The following ATP10B variants were observed in gnomAD, a reference collection of about 807,000 sequenced individuals.
ATP10B encodes the protein ATPase phospholipid transporting 10B (putative), also known as phospholipid-transporting ATPase VB.
A neutral mutation model predicts 141.2 loss-of-function variants in ATP10B; 122 were observed. The observed-to-expected ratio is 0.86, with a 90% CI of 0.75 to 1.00. The LOEUF (loss-of-function observed/expected upper bound fraction) is 1.00. Among genes scored for constraint, ATP10B ranks in the 50% least tolerant of loss-of-function variants. ATP10B has a pLI of 0.00. For synonymous variants in ATP10B, 685 were observed against 692.0 expected (o/e 0.99, Z 0.16); for missense variants, 1,876 against 1,825.3 (o/e 1.03, Z -0.51).
At position 160,830,734 on chromosome 5, in the gene ATP10B, T is replaced by C. The variant is rs533990135; in HGVS notation, c.-576+21207A>G. Among the ~76,000 whole-genome samples the C allele has an allele frequency of 1.3e-4, 20 of 152,222 alleles. 1 individual carries two copies. Among genetic ancestry groups the C allele is most frequent in the East Asian group, 7.7e-4 (4 of 5,186 alleles). On this transcript the variant is annotated intron_variant, in intron 1 of 25. Coordinates refer to ENST00000327245, the MANE Select transcript of ATP10B (RefSeq NM_025153.3). ...AGATTTTTATTGCATATTTGACAAC[T>C]ACGTCACTGGAAGCTCTAGAGTAGA...
chr5:160,868,960 C>T, the ATP10B span, among the ~76,000 whole-genome samples: 2 of 152,108 alleles, frequency 1.3e-5, no homozygotes, highest in African/African-American at 4.8e-5. Flanking sequence ...TATTAACCAC[C>T]GGGGAAAAGT....
At chr5:160,768,979 G>T (rs1769683167) in intron 2 of ATP10B, among the ~76,000 whole-genome samples, 1 of 152,176 alleles carries the variant, frequency 6.6e-6, no homozygotes, top group African/African-American at 2.4e-5. Context: ...TACTGAGCAA[G>T]TAAGGGGTCT....
chr5:160,628,893 C>T (rs1758759191), intron 13 of ATP10B, among the ~76,000 whole-genome samples: 2 of 151,788 alleles, frequency 1.3e-5, no homozygotes, highest in Admixed American at 1.3e-4. Flanking sequence ...GATTTTATTG[C>T]AGGCAATTAG....
intron 24 of ATP10B, among the ~76,000 whole-genome samples, chr5:160,570,777 T>C (rs1447747098): frequency 6.6e-6 from 1 of 152,224 alleles, no homozygotes; most frequent in Non-Finnish European, 1.5e-5. Flanking sequence ...AAAATGTCCT[T>C]TTTGGGAGTC....
intron 2 of ATP10B, among the ~76,000 whole-genome samples, chr5:160,765,278 A>C (rs942005335): frequency 1.3e-5 from 2 of 152,128 alleles, no homozygotes; most frequent in African/African-American, 2.4e-5. Context: ...AAGAGTAAGC[A>C]AAAAAGAACA....
intron 6 of ATP10B, among the ~76,000 whole-genome samples, chr5:160,681,799 A>C (rs1763415443): frequency 6.6e-6 from 1 of 152,236 alleles, no homozygotes; most frequent in Admixed American, 6.5e-5. Flanking sequence ...AAAATAATAT[A>C]AAATCAGTTA....
At chr5:160,638,586 G>A (rs1199711680) in intron 10 of ATP10B, among the ~76,000 whole-genome samples, 1 of 152,060 alleles carries the variant, frequency 6.6e-6, no homozygotes, top group South Asian at 2.1e-4. Flanking sequence ...ACATACCTGG[G>A]AACTCCAGGC....
chr5:160,671,598 C>T (rs1453785903), intron 6 of ATP10B, among the ~76,000 whole-genome samples: 3 of 151,938 alleles, frequency 2.0e-5, no homozygotes, highest in South Asian at 2.1e-4. Flanking sequence ...ATTAGAGGGC[C>T]GAAGAAATCT....
At chr5:160,637,642 A>T (rs1759519348) in intron 10 of ATP10B, among the ~76,000 whole-genome samples, 1 of 152,210 alleles carries the variant, frequency 6.6e-6, no homozygotes, top group Non-Finnish European at 1.5e-5. Flanking sequence ...CCTGTTATAG[A>T]GCTCACTAAA....
At chr5:160,889,514 T>C in the ATP10B span, among the ~76,000 whole-genome samples, 2 of 152,234 alleles carry the variant, frequency 1.3e-5, no homozygotes, top group African/African-American at 2.4e-5. Flanking sequence ...TTCCTCAGAC[T>C]GTAGCCTGAG....
At chr5:160,680,487 G>T (rs1265532977) in intron 6 of ATP10B, among the ~76,000 whole-genome samples, 1 of 152,180 alleles carries the variant, frequency 6.6e-6, no homozygotes, top group African/African-American at 2.4e-5. Flanking sequence ...TTCAGAGGTG[G>T]AAAAACTTTA....
intron 8 of ATP10B, among the ~76,000 whole-genome samples, chr5:160,648,011 C>T (rs1760415768): frequency 6.6e-6 from 1 of 152,106 alleles, no homozygotes; most frequent in African/African-American, 2.4e-5. Context: ...GGCTGAGCTC[C>T]GCAATGTACG....
intron 2 of ATP10B, among the ~76,000 whole-genome samples, chr5:160,739,481 A>G (rs1561804916): frequency 1.3e-5 from 2 of 152,272 alleles, no homozygotes; most frequent in African/African-American, 2.4e-5. Context: ...AAGTCAGTAT[A>G]TAAAAGTCAA....
intron 24 of ATP10B, among the ~76,000 whole-genome samples, chr5:160,586,814 G>A (rs1318055727): frequency 2.0e-5 from 3 of 151,914 alleles, no homozygotes; most frequent in South Asian, 4.2e-4. Flanking sequence ...ACTTTTTGAT[G>A]GTGTTTTTCT....
the ATP10B span, among the ~76,000 whole-genome samples, chr5:160,912,414 CAAAAAA>C: frequency 2.1e-4 from 19 of 88,894 alleles, 1 homozygote; most frequent in East Asian, 2.7e-3. Context: ...CTGTTTCTAC[CAAAAAA>C]AAAAAAAAAA....
chr5:160,871,973 T>G, the ATP10B span, among the ~76,000 whole-genome samples: 13 of 152,174 alleles, frequency 8.5e-5, no homozygotes, highest in African/African-American at 2.9e-4. Flanking sequence ...ATATCCCCAC[T>G]GTTTTCCATA....
chr5:160,708,439 C>G (rs1295122715), intron 3 of ATP10B, among the ~76,000 whole-genome samples: 4 of 152,094 alleles, frequency 2.6e-5, no homozygotes, highest in Non-Finnish European at 5.9e-5. Flanking sequence ...GAGTTGTACA[C>G]GTGAGGATTT....
At chr5:160,644,298 C>T in intron 8 of ATP10B, 54 bp from the exon 9 acceptor site, 3 of 1,233,106 alleles carry the variant, frequency 2.4e-6, no homozygotes, top group East Asian at 4.7e-5. Context: ...TCCTTGCTGT[C>T]ACTGGGTACT....
intron 6 of ATP10B, among the ~76,000 whole-genome samples, chr5:160,675,897 C>T (rs951308818): frequency 1.8e-4 from 28 of 152,128 alleles, no homozygotes; most frequent in Non-Finnish European, 1.6e-4. Flanking sequence ...GACCAGGACC[C>T]CTGGCTGGGC....
Sources: gnomAD v4.1 joint callset for allele counts (sites outside exome capture counted in the v4.1 genomes callset) on GRCh38, gnomAD v4.1.1 for gene constraint, MANE v1.5 for transcripts, NCBI Gene and HGNC (gene_info 2026-07-23, HGNC 2026-07-21) for gene names.